Variants in A2ML1 observed in about 807,000 individuals in gnomAD.
The protein encoded by A2ML1 is alpha-2-macroglobulin like 1.
A2ML1 carries 161 observed loss-of-function variants against 181.9 expected under a neutral mutation model. The ratio of observed to expected loss-of-function variants is 0.89; its 90% confidence interval spans 0.78 to 1.01. The LOEUF (loss-of-function observed/expected upper bound fraction) is 1.01, where lower values mean the gene tolerates loss of function less well. Among genes scored for constraint, A2ML1 ranks in the 50% least tolerant of loss-of-function variants. The pLI, the probability that A2ML1 is intolerant of heterozygous loss-of-function variation, is 0.00. For missense variants in A2ML1, 1,670 were observed against 1,768.1 expected, an observed-to-expected ratio of 0.94 and a Z score of 1.00; for synonymous variants, 663 against 666.8, an observed-to-expected ratio of 0.99 and a Z score of 0.09.
intron 3 of A2ML1, among the ~76,000 whole-genome samples, chr12:8,825,486 T>C (rs1349223819): frequency 6.6e-6 from 1 of 152,190 alleles, no homozygotes; most frequent in African/African-American, 2.4e-5. Context: ...CCTTATATAT[T>C]CTGGTTATTA....
At chr12:8,854,345 G>C in intron 21 of A2ML1, 96 bp downstream of exon 21, 2 of 1,476,552 alleles carry the variant, frequency 1.4e-6, no homozygotes, top group Non-Finnish European at 1.8e-6. Context: ...CCATACTCCA[G>C]TCCAACCAGG....
Position 8,847,602 on chromosome 12 carries a change from G to A in A2ML1, c.1737G>A (p.Leu579=), listed in dbSNP as rs774099652. The A allele has an allele frequency of 8.1e-6, 13 of 1,613,386 alleles. No homozygotes were observed. Among genetic ancestry groups the A allele is most frequent in the Non-Finnish European group, 1.1e-5 (13 of 1,179,760 alleles). ...SQQLPGAEVE[L]QLQAAPGSLC... ...AGCTTCCAGGAGCAGAAGTGGAGCT[G>A]CAGCTGCAGGCAGCTCCCGGATCCC... The change falls in exon 15 of 36, where the codon CTG becomes CTA. Residue 579 remains leucine, a synonymous_variant. Transcript: ENST00000299698.
chr12:8,883,015 G>A (rs894498791), intron 7 of A2ML1, among the ~76,000 whole-genome samples: 3 of 152,030 alleles, frequency 2.0e-5, no homozygotes, highest in South Asian at 2.1e-4. Context: ...TAAAATCTCC[G>A]ATAACTTTCA....
At position 8,843,160 on chromosome 12, in the gene A2ML1, A is replaced by G. The variant is rs7308106; in HGVS notation, c.1275A>G (p.Val425=). The G allele has an allele frequency of 0.088, 142,445 of 1,613,954 alleles. 7,298 individuals carry two copies. The highest frequency in any genetic ancestry group is 0.11 in the Middle Eastern group (696 of 6,060). The change falls in exon 12 of 36, where the codon GTA becomes GTG. Residue 425 remains valine (V), a synonymous_variant. Transcript: ENST00000299698. ...GAAAGTTTCAAATGGAAGACTTAGT[A>G]TATAATCCGGAACAAGTGCCACGTT... The part of the protein sequence containing the change: ...LEGKFQMEDL[V]YNPEQVPRYY...
At chr12:8,860,848 GC>G in intron 26 of A2ML1, 32 bp from the exon 27 acceptor site, 1 of 1,600,576 alleles carries the variant, frequency 6.2e-7, no homozygotes, top group Non-Finnish European at 8.6e-7. Context: ...GCTGCCTGCT[GC>G]CCTGACTCAC....
In A2ML1 at chr12:8,855,510, A is replaced by C; in HGVS notation, c.2766A>C (p.Gly922=). 6.2e-7 allele frequency: 1 copy of C among 1,613,988 alleles called. No individual in the cohort carries two copies. The change falls in exon 23 of 36, where the codon GGA becomes GGC. Residue 922 remains glycine, a splice_region_variant and synonymous_variant. Coordinates refer to ENST00000299698, the MANE Select transcript of A2ML1 (RefSeq NM_144670.6). ...KTHSSLLCPK[G]KVASESVSLE... ...CACCTTTTTTTCTGCATCTCACAGGAAAGGTGGCATCTGAATCTGTCTCCC... is the reference window on the plus strand; with the variant it reads ...CACCTTTTTTTCTGCATCTCACAGGCAAGGTGGCATCTGAATCTGTCTCCC...
At chr12:8,836,869 A>G (rs1016115341) in intron 7 of A2ML1, among the ~76,000 whole-genome samples, 2 of 152,142 alleles carry the variant, frequency 1.3e-5, no homozygotes, top group African/African-American at 2.4e-5. Context: ...ACAAGACACA[A>G]TATTGAATCC....
intron 15 of A2ML1, among the ~76,000 whole-genome samples, chr12:8,847,989 A>G (rs1943755694): frequency 2.1e-5 from 1 of 48,186 alleles, no homozygotes; most frequent in African/African-American, 5.5e-5. Flanking sequence ...AAAATCCAGA[A>G]AAAAAAAAAA....
Position 8,843,226 on chromosome 12 carries a change from C to T in A2ML1, c.1341C>T (p.Ser447=), listed in dbSNP as rs1436903201. 1.2e-6 allele frequency: 2 copies of T among 1,614,210 alleles called. No homozygotes were observed. The highest frequency in any genetic ancestry group is 2.2e-5 in the South Asian group (2 of 91,084). Residue 447 remains serine, a synonymous_variant, in exon 12 of 36, where the codon AGC becomes AGT. Coordinates refer to ENST00000299698, the MANE Select transcript of A2ML1 (RefSeq NM_144670.6). Reference sequence around the variant, plus strand: ...ACCTGCACCTGCGACCCTTCTACAGCACAACCCGCAGCTTCCTTGGCATCC... The same window carrying T: ...ACCTGCACCTGCGACCCTTCTACAGTACAACCCGCAGCTTCCTTGGCATCC... ...NAYLHLRPFY[S]TTRSFLGIHR... is the part of the protein sequence containing the mutation.
rs1039992347 is a variant in A2ML1 at position 8,845,020 on chromosome 12, AG to A, written c.1477-419del. ...AGAGGGTTCAATGTCAGAAGGGCTC[AG>A]GGTGGTTTAGGATGAAATTATTTCC... On this transcript the variant is annotated intron_variant, in intron 12 of 35. Transcript: ENST00000299698. 17 of 1,427,914 alleles carry A rather than the reference AG, an allele frequency of 1.2e-5. No individual in the cohort carries two copies. The African/African-American group carries it at 1.3e-4, about 11-fold the overall frequency. The allele number at this position is 1,427,914 out of a possible 1,614,324, so 88.5% of individuals were successfully genotyped here.
intron 26 of A2ML1, 39 bp downstream of exon 26, chr12:8,858,141 T>C: frequency 6.3e-7 from 1 of 1,599,746 alleles, no homozygotes; most frequent in South Asian, 1.1e-5. Flanking sequence ...AACCACTGTC[T>C]CGAAGGACCC....
At chr12:8,834,052 A>G (rs1943197869) in intron 4 of A2ML1, among the ~76,000 whole-genome samples, 1 of 152,014 alleles carries the variant, frequency 6.6e-6, no homozygotes, top group African/African-American at 2.4e-5. Context: ...CTCTCCTGCT[A>G]TTCACTGAAT....
intron 4 of A2ML1, among the ~76,000 whole-genome samples, chr12:8,830,481 A>G (rs1943075499): frequency 6.6e-6 from 1 of 152,180 alleles, no homozygotes; most frequent in African/African-American, 2.4e-5. Context: ...AATAATTTAC[A>G]AAGTAGGTAA....
intron 7 of A2ML1, chr12:8,886,444 G>A (rs767447531): frequency 6.6e-6 from 1 of 152,178 alleles, no homozygotes; most frequent in South Asian, 2.1e-4. Context: ...TATTTATTTT[G>A]TATTTGGACC....
intron 12 of A2ML1, chr12:8,844,875 A>C: frequency 1.5e-6 from 1 of 660,430 alleles, no homozygotes; most frequent in Non-Finnish European, 2.0e-6. Context: ...CGTCCAAGGA[A>C]CCGACCTTGG....
At chr12:8,822,882 G>A (rs116755875) in intron 1 of A2ML1, among the ~76,000 whole-genome samples, 169 bp downstream of exon 1, 2 of 152,222 alleles carry the variant, frequency 1.3e-5, no homozygotes, top group East Asian at 1.9e-4. Context: ...GGAGGCTGAC[G>A]CATGAAGAGG....
At chr12:8,842,367 T>C (rs12312682) in intron 11 of A2ML1, among the ~76,000 whole-genome samples, 11,491 of 150,882 alleles carry the variant, frequency 0.076, 1,040 homozygotes, top group African/African-American at 0.2. Flanking sequence ...TACAGGCGCC[T>C]GCCACCACGC....
At chr12:8,878,020 C>T (rs752411300), downstream of A2ML1, among the ~76,000 whole-genome samples, 1 of 152,058 alleles carries the variant, frequency 6.6e-6, no homozygotes, top group Admixed American at 6.6e-5. This position sits in a 1 kb window ranked among gnomAD's most constrained non-coding sequence, Gnocchi z 4.4. Flanking sequence ...AGAATGCAAT[C>T]GGCCCAGTGC....
intron 3 of A2ML1, among the ~76,000 whole-genome samples, chr12:8,829,254 G>C (rs1011162011): frequency 6.6e-6 from 1 of 152,228 alleles, no homozygotes; most frequent in Non-Finnish European, 1.5e-5. Context: ...CTGAGCTCCA[G>C]GCCTGTGTTT....
Sources: gnomAD v4.1 joint callset for allele counts (sites outside exome capture counted in the v4.1 genomes callset) on GRCh38, gnomAD v4.1.1 for gene constraint, Gnocchi (gnomAD v3.1) non-coding constraint, MANE v1.5 for transcripts, NCBI Gene and HGNC (gene_info 2026-07-23, HGNC 2026-07-21) for gene names.